DLG2: variants seen among roughly 807,000 people sequenced by gnomAD.
DLG2 encodes disks large homolog 2.
In DLG2, 45 loss-of-function variants were observed where a neutral mutation model predicts 132.5. The observed-to-expected ratio is 0.34, with a 90% CI of 0.27 to 0.44. The LOEUF (loss-of-function observed/expected upper bound fraction) is 0.44, where lower values mean the gene tolerates loss of function less well. Ranked by LOEUF, DLG2 falls within the 20% of genes least tolerant of loss-of-function variation. The pLI is 1.00. For synonymous variants in DLG2, 424 were observed against 419.6 expected (o/e 1.01, Z -0.13); for missense variants, 1,045 against 1,196.9 (o/e 0.87, Z 1.87).
At chr11:84,216,432 C>T (rs1165773927) in intron 8 of DLG2, among the ~76,000 whole-genome samples, 2 of 152,052 alleles carry the variant, frequency 1.3e-5, no homozygotes, top group African/African-American at 4.8e-5. Context: ...CAAAAATCTG[C>T]CTACTACACT....
intron 6 of DLG2, among the ~76,000 whole-genome samples, chr11:84,748,017 T>G (rs2065607401): frequency 6.6e-6 from 1 of 152,202 alleles, no homozygotes; most frequent in East Asian, 1.9e-4. Context: ...GCCATTCCCC[T>G]GTTGCTACAG....
chr11:84,999,750 C>T (rs1472072749), intron 6 of DLG2, among the ~76,000 whole-genome samples: 1 of 151,962 alleles, frequency 6.6e-6, no homozygotes, highest in East Asian at 1.9e-4. Context: ...AATAGGGTTT[C>T]AATTTAGCAT....
intron 6 of DLG2, among the ~76,000 whole-genome samples, chr11:84,942,351 T>C (rs745545364): frequency 2.6e-5 from 4 of 152,190 alleles, no homozygotes; most frequent in African/African-American, 7.2e-5. Context: ...ACTTGTTTAA[T>C]GTAAGAGTTA....
chr11:84,642,861 C>G (rs777727455), intron 6 of DLG2, among the ~76,000 whole-genome samples: 19 of 152,082 alleles, frequency 1.2e-4, no homozygotes, highest in Non-Finnish European at 1.5e-4. Context: ...ATTTTTCTAT[C>G]AAGAAACCCC....
At chr11:83,535,207 C>T (rs1470165931) in intron 20 of DLG2, among the ~76,000 whole-genome samples, 2 of 152,184 alleles carry the variant, frequency 1.3e-5, no homozygotes, top group Non-Finnish European at 2.9e-5. Context: ...TTGTTACAGC[C>T]CTAACTTTAT....
At chr11:84,842,109 C>T (rs1229884299) in intron 6 of DLG2, among the ~76,000 whole-genome samples, 1 of 151,964 alleles carries the variant, frequency 6.6e-6, no homozygotes, top group Non-Finnish European at 1.5e-5. Context: ...CCTTCCTTTA[C>T]CTATCAATCT....
At chr11:84,944,217 G>A (rs535220448) in intron 6 of DLG2, among the ~76,000 whole-genome samples, 1 of 152,230 alleles carries the variant, frequency 6.6e-6, no homozygotes, top group South Asian at 2.1e-4. Flanking sequence ...TCTTCTTTGA[G>A]TTAAAATGGC....
At chr11:85,341,378 C>T (rs1008790389) in intron 3 of DLG2, among the ~76,000 whole-genome samples, 5 of 152,144 alleles carry the variant, frequency 3.3e-5, no homozygotes, top group Admixed American at 1.3e-4. Context: ...CCTGGGCCTC[C>T]CAAAGTGCTG....
At chr11:84,374,771 T>A (rs1330315153) in intron 7 of DLG2, among the ~76,000 whole-genome samples, 1 of 152,114 alleles carries the variant, frequency 6.6e-6, no homozygotes, top group African/African-American at 2.4e-5. Context: ...TACAACTATA[T>A]CAAAACCTTT....
chr11:84,661,605 G>C (rs953031637), intron 6 of DLG2, among the ~76,000 whole-genome samples: 1 of 152,116 alleles, frequency 6.6e-6, no homozygotes, highest in Non-Finnish European at 1.5e-5. Context: ...TGGACCAAGA[G>C]CTGAAGTACA....
intron 8 of DLG2, among the ~76,000 whole-genome samples, chr11:84,195,749 G>T (rs552553216): frequency 6.6e-6 from 1 of 152,284 alleles, no homozygotes; most frequent in African/African-American, 2.4e-5. Flanking sequence ...AACCTCCCCA[G>T]TGTAAGCCAG....
chr11:84,045,907 G>A (rs1205750994), intron 11 of DLG2, among the ~76,000 whole-genome samples: 1 of 151,524 alleles, frequency 6.6e-6, no homozygotes, highest in Non-Finnish European at 1.5e-5. Flanking sequence ...GTTGTCCGCT[G>A]TAGCCGTAGA....
intron 8 of DLG2, among the ~76,000 whole-genome samples, chr11:84,177,626 A>G (rs2096006551): frequency 6.6e-6 from 1 of 152,200 alleles, no homozygotes; most frequent in Admixed American, 6.6e-5. Flanking sequence ...GAAGTAAAGT[A>G]CAGTTCTCAA....
In DLG2 at chr11:83,455,788, G is replaced by A. The variant is rs1463925581; in HGVS notation, c.*4030C>T. On this transcript the variant is annotated 3_prime_UTR_variant, in exon 28 of 28. Transcript: ENST00000376104. The stretch of plus-strand genomic sequence containing the variant: ...TGTATATCACAGAATTCTGTAGGGA[G>A]TCCCCTGGCAAGTCAGCTGTCACAG... 6.6e-6 allele frequency: 1 copy of A among 152,588 alleles called. No individual in the cohort carries two copies. Among genetic ancestry groups the A allele is most frequent in the Non-Finnish European group, 1.5e-5 (1 of 68,050 alleles). The allele number at this position is 152,588 out of a possible 1,614,324, so 9.5% of individuals were successfully genotyped here.
chr11:85,446,842 T>G (rs927124770), intron 3 of DLG2, among the ~76,000 whole-genome samples: 11 of 151,902 alleles, frequency 7.2e-5, no homozygotes, highest in African/African-American at 2.7e-4. Flanking sequence ...TATTGATATA[T>G]AATATTTTAA....
chr11:84,807,453 A>T (rs1397257579), intron 6 of DLG2, among the ~76,000 whole-genome samples: 3 of 152,162 alleles, frequency 2.0e-5, no homozygotes, highest in Non-Finnish European at 2.9e-5. Flanking sequence ...TCTCAAAAAA[A>T]CAAAAAACAA....
chr11:85,196,468 T>C (rs1050311586), intron 4 of DLG2, among the ~76,000 whole-genome samples: 1 of 152,178 alleles, frequency 6.6e-6, no homozygotes, highest in Non-Finnish European at 1.5e-5. Flanking sequence ...TTCCTAGTGG[T>C]TGAGGGGCCT....
chr11:85,595,719 G>T (rs2079704950), intron 3 of DLG2, among the ~76,000 whole-genome samples: 1 of 152,020 alleles, frequency 6.6e-6, no homozygotes, highest in Non-Finnish European at 1.5e-5. Flanking sequence ...TGCTTATCAG[G>T]TATCTTGTTA....
chr11:85,481,577 C>T (rs1001255300), intron 3 of DLG2, among the ~76,000 whole-genome samples: 1 of 152,044 alleles, frequency 6.6e-6, no homozygotes, highest in Non-Finnish European at 1.5e-5. Flanking sequence ...GCTAGGCCCA[C>T]CCCCAATAAA....
Sources: allele counts gnomAD v4.1 joint callset (sites outside exome capture counted in the v4.1 genomes callset), GRCh38; gene constraint gnomAD v4.1.1; transcripts MANE v1.5; gene names NCBI Gene and HGNC (gene_info 2026-07-23, HGNC 2026-07-21).